Variants in GRIK4 observed in about 807,000 individuals in gnomAD.
GRIK4 encodes glutamate receptor ionotropic, kainate 4.
Under a neutral mutation model 104.9 loss-of-function variants are expected in GRIK4, and 40 were observed. That is an observed-to-expected ratio of 0.38 (90% confidence interval 0.30 to 0.50). The LOEUF (loss-of-function observed/expected upper bound fraction) is 0.50. Among genes scored for constraint, GRIK4 ranks in the 20% least tolerant of loss-of-function variants. GRIK4 has a pLI of 0.93. For synonymous variants in GRIK4, 485 were observed against 524.9 expected (o/e 0.92, Z 1.04); for missense variants, 1,047 against 1,308.1 (o/e 0.80, Z 3.08).
intron 16 of GRIK4, among the ~76,000 whole-genome samples, chr11:120,957,708 C>G (rs1944193666): frequency 6.6e-6 from 1 of 151,264 alleles, no homozygotes; most frequent in East Asian, 1.9e-4. Context: ...TCATAGCATA[C>G]AGGACTTACG....
intron 14 of GRIK4, among the ~76,000 whole-genome samples, chr11:120,948,042 A>G (rs1339516279): frequency 6.6e-6 from 1 of 152,214 alleles, no homozygotes; most frequent in Non-Finnish European, 1.5e-5. Flanking sequence ...TGGAAAGTGC[A>G]TGCTAAACCA....
chr11:120,756,438 G>GA (rs2135432651), intron 3 of GRIK4, among the ~76,000 whole-genome samples: 1 of 152,302 alleles, frequency 6.6e-6, no homozygotes, highest in East Asian at 1.9e-4. Flanking sequence ...TACAGGGAAG[G>GA]AAACTGGGCT....
At chr11:120,674,702 C>T (rs1324138155) in intron 3 of GRIK4, among the ~76,000 whole-genome samples, 1 of 152,242 alleles carries the variant, frequency 6.6e-6, no homozygotes, top group African/African-American at 2.4e-5. Context: ...GATCTAACAA[C>T]ATGAGACTTT....
In GRIK4 at chr11:120,940,577, A is replaced by G. The variant is rs1943700520; in HGVS notation, c.1590+117A>G. The G allele has an allele frequency of 3.0e-6, 2 of 662,582 alleles. No individual in the cohort carries two copies. The highest frequency in any genetic ancestry group is 5.2e-6 in the Non-Finnish European group (2 of 387,550). The allele number at this position is 662,582 out of a possible 1,614,324, so 41.0% of individuals were successfully genotyped here. A position where few individuals can be genotyped will look rare whatever the true frequency, so the allele number is the denominator to read the frequency against. On this transcript the variant is annotated intron_variant, in intron 14 of 20. Transcript: ENST00000527524. This position sits in a 1 kb window ranked among gnomAD's most constrained non-coding sequence, Gnocchi z 4.3. ...TATTTAGATTTCAAGACTTAAATGCAAATGTGCTGGGCTATTTTTTCTCCT... is the reference window on the plus strand; with the variant it reads ...TATTTAGATTTCAAGACTTAAATGCGAATGTGCTGGGCTATTTTTTCTCCT...
At chr11:120,935,349 G>A (rs370905329) in intron 13 of GRIK4, among the ~76,000 whole-genome samples, 4 of 151,740 alleles carry the variant, frequency 2.6e-5, no homozygotes, top group African/African-American at 4.9e-5. Context: ...TCAGGAGTTC[G>A]AGACCAGCCT....
chr11:120,834,623 G>C (rs1458066688), intron 7 of GRIK4, among the ~76,000 whole-genome samples: 2 of 152,208 alleles, frequency 1.3e-5, no homozygotes, highest in African/African-American at 2.4e-5. Context: ...AGCAGAGTGG[G>C]CAGGGAGCAC....
chr11:120,936,359 C>A lies in GRIK4; in HGVS notation c.1477-3988C>A. On this transcript the variant is annotated intron_variant, in intron 13 of 20. Coordinates refer to ENST00000527524, the MANE Select transcript of GRIK4 (RefSeq NM_014619.5). Reference sequence around the variant, plus strand: ...ATTCAGGAAAGAACAAGATGAAGGTCAAAGGAGGCCTCTTGGGTGCATTAG... The same window carrying A: ...ATTCAGGAAAGAACAAGATGAAGGTAAAAGGAGGCCTCTTGGGTGCATTAG... 4 of 465,810 alleles carry A rather than the reference C, an allele frequency of 8.6e-6. No individual in the cohort carries two copies. In the East Asian group the frequency reaches 2.4e-4, roughly 28 times the overall value. The allele number at this position is 465,810 out of a possible 1,614,324, so 28.9% of individuals were successfully genotyped here. A position where few individuals can be genotyped will look rare whatever the true frequency, so the allele number is the denominator to read the frequency against.
intron 19 of GRIK4, among the ~76,000 whole-genome samples, chr11:120,973,780 C>G (rs1016787791): frequency 6.6e-6 from 1 of 152,302 alleles, no homozygotes; most frequent in East Asian, 1.9e-4. Flanking sequence ...AGCACTAGCC[C>G]GAAACGGGAG....
At chr11:120,594,596 T>G (rs754309357) in intron 1 of GRIK4, among the ~76,000 whole-genome samples, 1 of 152,232 alleles carries the variant, frequency 6.6e-6, no homozygotes, top group African/African-American at 2.4e-5. Context: ...CCTCTTGCAC[T>G]GTCTTCTTGA....
chr11:120,590,567 T>C (rs1948721728), intron 1 of GRIK4, among the ~76,000 whole-genome samples: 2 of 152,202 alleles, frequency 1.3e-5, no homozygotes, highest in African/African-American at 2.4e-5. Context: ...TGGAATGTAA[T>C]TGGCACTCGC....
intron 1 of GRIK4, among the ~76,000 whole-genome samples, chr11:120,639,981 T>G (rs1018060311): frequency 6.6e-5 from 10 of 152,122 alleles, no homozygotes; most frequent in African/African-American, 2.4e-4. Flanking sequence ...TCAGGAAAGA[T>G]CCCTGTCTCC....
intron 3 of GRIK4, among the ~76,000 whole-genome samples, chr11:120,795,176 C>T (rs775567662): frequency 5.9e-5 from 9 of 152,220 alleles, no homozygotes; most frequent in Non-Finnish European, 1.3e-4. Context: ...TATTTTACCC[C>T]TTAAAAGGGT....
intron 3 of GRIK4, among the ~76,000 whole-genome samples, chr11:120,789,127 C>T (rs1952345594): frequency 1.3e-5 from 2 of 152,144 alleles, no homozygotes; most frequent in South Asian, 4.2e-4. Context: ...TCCAAGTTGT[C>T]ATTATCACCC....
intron 18 of GRIK4, 30 bp downstream of exon 18, chr11:120,962,711 T>C (rs759694911): frequency 3.3e-6 from 5 of 1,501,080 alleles, no homozygotes; most frequent in Non-Finnish European, 3.7e-6. Context: ...CCTCTTTGGG[T>C]AGCTTTGTCC....
chr11:120,763,150 A>G (rs971817864), intron 3 of GRIK4, among the ~76,000 whole-genome samples: 1 of 152,176 alleles, frequency 6.6e-6, no homozygotes, highest in Non-Finnish European at 1.5e-5. Flanking sequence ...CAGGAATTCA[A>G]CTTCTTCCTG....
intron 13 of GRIK4, among the ~76,000 whole-genome samples, chr11:120,922,537 C>A (rs1943247125): frequency 6.6e-6 from 1 of 152,258 alleles, no homozygotes; most frequent in Non-Finnish European, 1.5e-5. Flanking sequence ...GGCCATCCCT[C>A]ACCAGAAGGT....
intron 13 of GRIK4, among the ~76,000 whole-genome samples, chr11:120,914,654 G>GGA (rs1943069077): frequency 6.6e-6 from 1 of 152,090 alleles, no homozygotes; most frequent in East Asian, 1.9e-4. Flanking sequence ...AGGGGGTGGA[G>GGA]GAGAACAGGG....
At chr11:120,969,448 G>A (rs1317476608) in intron 19 of GRIK4, among the ~76,000 whole-genome samples, 1 of 152,134 alleles carries the variant, frequency 6.6e-6, no homozygotes, top group Non-Finnish European at 1.5e-5. Flanking sequence ...GCAGGGCTGT[G>A]TGCAGGGGCG....
chr11:120,938,220 G>A (rs570897726), intron 13 of GRIK4, among the ~76,000 whole-genome samples: 1 of 152,258 alleles, frequency 6.6e-6, no homozygotes, highest in South Asian at 2.1e-4. Context: ...GGCTCTGAAC[G>A]GCCCAAGCAA....
Sources: gnomAD v4.1 joint callset for allele counts (sites outside exome capture counted in the v4.1 genomes callset) on GRCh38, gnomAD v4.1.1 for gene constraint, Gnocchi (gnomAD v3.1) non-coding constraint, MANE v1.5 for transcripts, NCBI Gene and HGNC (gene_info 2026-07-23, HGNC 2026-07-21) for gene names.